The following ABCG1 variants were observed in gnomAD, a reference collection of about 807,000 sequenced individuals.
The protein encoded by ABCG1 is ATP-binding cassette sub-family G member 1.
ABCG1 carries 29 observed loss-of-function variants against 69.2 expected under a neutral mutation model. That is an observed-to-expected ratio of 0.42 (90% CI 0.31 to 0.57). The LOEUF (loss-of-function observed/expected upper bound fraction) is 0.57, where lower values mean the gene tolerates loss of function less well. Ranked by LOEUF, ABCG1 falls within the 20% of genes least tolerant of loss-of-function variation. The probability of loss-of-function intolerance (pLI) is 0.15; values close to 1 mark genes in which losing one functional copy is unlikely to be tolerated. For missense variants in ABCG1, 718 were observed against 898.1 expected, an observed-to-expected ratio of 0.80 and a Z score of 2.56; for synonymous variants, 370 against 374.8, an observed-to-expected ratio of 0.99 and a Z score of 0.15.
At chr21:42,268,553 T>C (rs1241318752) in intron 2 of ABCG1, among the ~76,000 whole-genome samples, 1 of 152,184 alleles carries the variant, frequency 6.6e-6, no homozygotes, top group East Asian at 1.9e-4. Flanking sequence ...GGACTTTGTT[T>C]CCAGAGCCAC....
intron 10 of ABCG1, 57 bp from the exon 11 acceptor site, chr21:42,289,993 C>T (rs1241503663): frequency 6.2e-7 from 1 of 1,608,530 alleles, no homozygotes; most frequent in Admixed American, 1.7e-5. Context: ...CCGGGTTGTT[C>T]TCTGAGCCGA....
At position 42,219,403 on chromosome 21, in the gene ABCG1, G is replaced by C; in HGVS notation, c.42+99G>C. 6.7e-7 allele frequency: 1 copy of C among 1,491,686 alleles called. No homozygotes were observed. Among genetic ancestry groups the C allele is most frequent in the Non-Finnish European group, 8.9e-7 (1 of 1,117,936 alleles). 92.4% of individuals were successfully genotyped at this position (1,491,686 alleles called of 1,614,324 possible). ...CAAGCTCGACCTGACACCCCTCCCA[G>C]GAGCGCGTCCTCTGGGCGCTGACCC... On this transcript the variant is annotated intron_variant, in intron 1 of 14. Transcript: ENST00000398449. The surrounding 1 kb of genome is among the most constrained non-coding windows in gnomAD (Gnocchi z 5.3).
chr21:42,294,789 T>A, intron 14 of ABCG1, 129 bp downstream of exon 14: 1 of 776,236 alleles, frequency 1.3e-6, no homozygotes, highest in Non-Finnish European at 2.3e-6. Flanking sequence ...CATCTGAGGA[T>A]CCAGGCCTTC....
chr21:42,224,443 A>G (rs538006871), intron 1 of ABCG1, among the ~76,000 whole-genome samples: 6 of 152,300 alleles, frequency 3.9e-5, no homozygotes, highest in Middle Eastern at 3.4e-3. Context: ...TGTCAGACAC[A>G]CATACACCCT....
chr21:42,219,761 C>T lies in ABCG1; in HGVS notation c.42+457C>T. 2 of 1,378,684 alleles carry T rather than the reference C, an allele frequency of 1.5e-6. No homozygotes were observed. Among genetic ancestry groups the T allele is most frequent in the Non-Finnish European group, 9.4e-7 (1 of 1,058,780 alleles). The allele number at this position is 1,378,684 out of a possible 1,614,324, so 85.4% of individuals were successfully genotyped here. ...GGGACCGGGGACTTCTCGCGCCATCCCCAGGAACGCCAGGCAAGGTCTGGG... is the reference window on the plus strand; with the variant it reads ...GGGACCGGGGACTTCTCGCGCCATCTCCAGGAACGCCAGGCAAGGTCTGGG... On this transcript the variant is annotated intron_variant, in intron 1 of 14. Coordinates refer to ENST00000398449, the MANE Select transcript of ABCG1 (RefSeq NM_016818.3). This position sits in a 1 kb window ranked among gnomAD's most constrained non-coding sequence, Gnocchi z 5.3.
rs994686900 is a variant in ABCG1 at position 42,219,460 on chromosome 21, C to T, written c.42+156C>T. 2.0e-5 allele frequency among the ~76,000 whole-genome samples: 3 copies of T among 152,218 alleles called. No homozygotes were observed. The highest frequency in any genetic ancestry group is 4.4e-5 in the Non-Finnish European group (3 of 68,024). ...CCCTAGAGTGGCGCCCGGCTCCGAT[C>T]GCTGCCCCTGCCCCTCCGCCAGGGC... On this transcript the variant is annotated intron_variant, in intron 1 of 14. Transcript: ENST00000398449. The surrounding 1 kb of genome is among the most constrained non-coding windows in gnomAD (Gnocchi z 5.3).
chr21:42,240,151 C>T (rs2068030525), intron 2 of ABCG1, among the ~76,000 whole-genome samples: 1 of 152,210 alleles, frequency 6.6e-6, no homozygotes, highest in African/African-American at 2.4e-5. Context: ...GCAGGTCACA[C>T]AGTGTTATGC....
upstream of ABCG1, among the ~76,000 whole-genome samples, chr21:42,212,520 G>C (rs2067598775): frequency 6.6e-6 from 1 of 152,164 alleles, no homozygotes; most frequent in South Asian, 2.1e-4. Context: ...CCATTCTTGT[G>C]ACAGAGGGCA....
chr21:42,212,849 A>G (rs1427573324), upstream of ABCG1, among the ~76,000 whole-genome samples: 11 of 151,682 alleles, frequency 7.3e-5, no homozygotes, highest in Admixed American at 1.3e-4. Flanking sequence ...GCCCGCTACC[A>G]TGCCCGGCTA....
intron 2 of ABCG1, among the ~76,000 whole-genome samples, chr21:42,265,798 G>A (rs80076235): frequency 0.012 from 1,792 of 152,328 alleles, 31 homozygotes; most frequent in African/African-American, 0.041. Context: ...GGATGGCCTG[G>A]AGACATTTTT....
rs55913235 is a variant in ABCG1, at chr21:42,296,624, G to GTTTT, written c.*242_*245dup. The GTTTT allele has an allele frequency of 2.0e-3, 855 of 433,948 alleles. 1 individual carries two copies. Among genetic ancestry groups the GTTTT allele is most frequent in the Middle Eastern group, 3.9e-3 (6 of 1,542 alleles). 26.9% of individuals were successfully genotyped at this position (433,948 alleles called of 1,614,324 possible). A position where few individuals can be genotyped will look rare whatever the true frequency, so the allele number is the denominator to read the frequency against. Reference sequence around the variant, plus strand: ...CTAGGAAGATGTAGGCAGATTGGTGGTTTTTTTTTTTTTAACATACAGAAT... The same window carrying GTTTT: ...CTAGGAAGATGTAGGCAGATTGGTGGTTTTTTTTTTTTTTTTTAACATACAGAAT... On this transcript the variant is annotated 3_prime_UTR_variant, in exon 15 of 15. Coordinates refer to ENST00000398449, the MANE Select transcript of ABCG1 (RefSeq NM_016818.3). The surrounding 1 kb of genome is among the most constrained non-coding windows in gnomAD (Gnocchi z 5.4).
chr21:42,251,048 A>G (rs1179252571), intron 2 of ABCG1, among the ~76,000 whole-genome samples: 2 of 47,856 alleles, frequency 4.2e-5, no homozygotes, highest in East Asian at 1.1e-3. Flanking sequence ...TTGCCTGACC[A>G]TACCCTGTGA....
chr21:42,219,222 CCCGCCGCCGCCGCCGCCGCCG>C lies in ABCG1; in HGVS notation c.-29_-9del, dbSNP rs2234716. ...TCGGCCCCGCAGCTCAAGCCTCGTC[CCCGCCGCCGCCGCCGCCGCCG>C]CCGCCGCCGCCCCCGGGGCATGGCC... On this transcript the variant is annotated 5_prime_UTR_variant, in exon 1 of 15. Transcript: ENST00000398449. This position sits in a 1 kb window ranked among gnomAD's most constrained non-coding sequence, Gnocchi z 5.3. 6.1e-6 allele frequency: 9 copies of C among 1,474,082 alleles called. No homozygotes were observed. Among genetic ancestry groups the C allele is most frequent in the Non-Finnish European group, 8.1e-6 (9 of 1,111,124 alleles). 91.3% of individuals were successfully genotyped at this position (1,474,082 alleles called of 1,614,324 possible). A position where few individuals can be genotyped will look rare whatever the true frequency, so the allele number is the denominator to read the frequency against.
Position 42,273,255 on chromosome 21 carries a change from G to A in ABCG1, c.405-48G>A, listed in dbSNP as rs1601425080. The stretch of plus-strand genomic sequence containing the variant: ...CCCTCTCCTGCCCCGGGAGGTGGAG[G>A]AGGAGCAGGAGCCCGGCTGACGGCT... On this transcript the variant is annotated intron_variant, in intron 3 of 14. Coordinates refer to ENST00000398449, the MANE Select transcript of ABCG1 (RefSeq NM_016818.3). The surrounding 1 kb of genome is among the most constrained non-coding windows in gnomAD (Gnocchi z 5.3). 1 of 1,580,372 alleles carries A rather than the reference G, an allele frequency of 6.3e-7. No homozygotes were observed. Among genetic ancestry groups the A allele is most frequent in the Non-Finnish European group, 8.6e-7 (1 of 1,162,220 alleles).
In ABCG1 at chr21:42,291,680, T is replaced by C; in HGVS notation, c.1653+24T>C. On this transcript the variant is annotated intron_variant, in intron 13 of 14. Coordinates refer to ENST00000398449, the MANE Select transcript of ABCG1 (RefSeq NM_016818.3). The surrounding 1 kb of genome is among the most constrained non-coding windows in gnomAD (Gnocchi z 6.4). ...AGGTGCCAGCCCAGGAGGCGCTAAG[T>C]GAGGGCATGACGGCTGGGCTTCCCT... 6.3e-7 allele frequency: 1 copy of C among 1,580,506 alleles called. No homozygotes were observed. The highest frequency in any genetic ancestry group is 8.6e-7 in the Non-Finnish European group (1 of 1,169,472).
At position 42,296,256 on chromosome 21, in the gene ABCG1, C is replaced by T. The variant is rs750249283; in HGVS notation, c.1865C>T (p.Ser622Leu). The change falls in exon 15 of 15, where the codon TCG (serine) becomes TTG (leucine). Residue 622 changes from serine (S) to leucine (L), a missense_variant. Transcript: ENST00000398449. The surrounding 1 kb of genome is among the most constrained non-coding windows in gnomAD (Gnocchi z 5.4). ...GACGAGACGTGCCACTTCCAGAAGT[C>T]GGAGGCCATCCTGCGGGAGCTGGAC... is the stretch of plus-strand genomic sequence containing the variant. ...DIDETCHFQK[S>L]EAILRELDVE... The T allele has an allele frequency of 7.4e-6, 12 of 1,614,124 alleles. No individual in the cohort carries two copies. Among genetic ancestry groups the T allele is most frequent in the African/African-American group, 1.3e-5 (1 of 75,016 alleles).
intron 2 of ABCG1, among the ~76,000 whole-genome samples, chr21:42,236,921 C>T (rs896254910): frequency 1.1e-4 from 16 of 152,226 alleles, no homozygotes; most frequent in Admixed American, 3.3e-4. Context: ...TCAGCACTCA[C>T]GTTAAGAATT....
chr21:42,213,377 A>C (rs2067608169), upstream of ABCG1, among the ~76,000 whole-genome samples: 1 of 152,228 alleles, frequency 6.6e-6, no homozygotes, highest in African/African-American at 2.4e-5. Context: ...GGGTGTGTAG[A>C]GGGTAGGAGC....
chr21:42,270,110 A>T (rs1374286525), intron 2 of ABCG1, among the ~76,000 whole-genome samples: 1 of 152,120 alleles, frequency 6.6e-6, no homozygotes, highest in Non-Finnish European at 1.5e-5. Context: ...AATACAAAAA[A>T]TTAGCCAGGC....
Sources: allele counts gnomAD v4.1 joint callset (sites outside exome capture counted in the v4.1 genomes callset), GRCh38; gene constraint gnomAD v4.1.1; non-coding constraint Gnocchi (gnomAD v3.1); transcripts MANE v1.5; gene names NCBI Gene and HGNC (gene_info 2026-07-23, HGNC 2026-07-21).